Variants in DNAH8 observed in about 807,000 individuals in gnomAD.
DNAH8 encodes the protein axonemal beta dynein heavy chain 8.
In DNAH8, 382 loss-of-function variants were observed where a neutral mutation model predicts 562.1. The observed-to-expected ratio is 0.68, with a 90% confidence interval of 0.63 to 0.74. DNAH8 has a LOEUF of 0.74. DNAH8 is among the 30% of genes least tolerant of loss of function. The pLI is 0.00. For missense variants in DNAH8, 5,203 were observed against 5,620.4 expected, an observed-to-expected ratio of 0.93 and a Z score of 2.37; for synonymous variants, 1,881 against 1,919.4, an observed-to-expected ratio of 0.98 and a Z score of 0.52.
chr6:38,850,720 T>C (rs1433546709), intron 38 of DNAH8, among the ~76,000 whole-genome samples: 2 of 152,242 alleles, frequency 1.3e-5, no homozygotes, highest in African/African-American at 4.8e-5. Context: ...TGGCTCCCTC[T>C]GAAGGCTCTA....
intron 8 of DNAH8, among the ~76,000 whole-genome samples, chr6:38,749,055 T>C (rs1360300794): frequency 6.6e-6 from 1 of 152,050 alleles, no homozygotes; most frequent in East Asian, 1.9e-4. Context: ...TAGAGTGATG[T>C]TGTGTGTGTC....
At chr6:38,906,653 A>G (rs1343267425) in intron 63 of DNAH8, among the ~76,000 whole-genome samples, 3 of 152,138 alleles carry the variant, frequency 2.0e-5, no homozygotes, top group Non-Finnish European at 4.4e-5. Flanking sequence ...TTGGTCTTAT[A>G]ATTTATTTTA....
chr6:38,919,750 C>T (rs1378069523), intron 70 of DNAH8, among the ~76,000 whole-genome samples: 1 of 152,096 alleles, frequency 6.6e-6, no homozygotes, highest in African/African-American at 2.4e-5. Context: ...CTCAGTCATT[C>T]CTAATTAGGA....
intron 26 of DNAH8, among the ~76,000 whole-genome samples, chr6:38,818,704 T>G (rs1158031954): frequency 6.6e-6 from 1 of 152,238 alleles, no homozygotes; most frequent in Non-Finnish European, 1.5e-5. Context: ...GAGTTTTGAC[T>G]GCTCTCAACA....
intron 75 of DNAH8, 150 bp downstream of exon 75, chr6:38,929,816 A>G: frequency 1.5e-6 from 1 of 673,684 alleles, no homozygotes; most frequent in Non-Finnish European, 2.2e-6. Flanking sequence ...TCCTTTAGGC[A>G]GTAGTATTTG....
intron 71 of DNAH8, among the ~76,000 whole-genome samples, chr6:38,922,515 T>C (rs1781789867): frequency 6.6e-6 from 1 of 152,182 alleles, no homozygotes; most frequent in South Asian, 2.1e-4. Flanking sequence ...TTTATTACTT[T>C]TGCTTTTAAT....
At chr6:38,796,935 T>G (rs1770321081) in intron 21 of DNAH8, among the ~76,000 whole-genome samples, 1 of 152,208 alleles carries the variant, frequency 6.6e-6, no homozygotes, top group Admixed American at 6.5e-5. Context: ...AATTCTCTAA[T>G]TTTATTTGTT....
At chr6:39,008,610 G>A (rs1765956575) in intron 88 of DNAH8, among the ~76,000 whole-genome samples, 1 of 140,872 alleles carries the variant, frequency 7.1e-6, no homozygotes, top group South Asian at 2.2e-4. Context: ...TTTCAGTGAT[G>A]TTCTTGATGT....
In DNAH8 at chr6:38,851,618, T is replaced by A. The variant is rs1775753073; in HGVS notation, c.5410T>A (p.Ser1804Thr). The A allele has an allele frequency of 6.2e-7, 1 of 1,612,408 alleles. No homozygotes were observed. The change falls in exon 39 of 93, where the codon TCT (serine) becomes ACT (threonine). Residue 1804 changes from serine to threonine, a missense_variant. Coordinates refer to ENST00000327475, the MANE Select transcript of DNAH8 (RefSeq NM_001206927.2). ...RLLFPRFFFV[S>T]DPVLLEILGQ... ...ACTGTTTCCAAGATTCTTCTTTGTA[T>A]CTGATCCAGTTCTCCTGGAAATTCT...
intron 68 of DNAH8, 56 bp from the exon 69 acceptor site, chr6:38,917,183 T>A (rs1781368022): frequency 8.2e-7 from 1 of 1,216,882 alleles, no homozygotes; most frequent in African/African-American, 1.6e-5. Flanking sequence ...TAGATTTCCA[T>A]ATAACTATTA....
intron 73 of DNAH8, 79 bp downstream of exon 73, chr6:38,924,241 G>C: frequency 7.0e-7 from 1 of 1,434,728 alleles, no homozygotes; most frequent in Non-Finnish European, 9.5e-7. Context: ...GGCTGGGTGT[G>C]GTGGCTCACA....
intron 17 of DNAH8, among the ~76,000 whole-genome samples, chr6:38,783,561 C>T (rs1460057150): frequency 1.3e-5 from 2 of 152,126 alleles, no homozygotes; most frequent in Non-Finnish European, 1.5e-5. Context: ...TTACTTTCTC[C>T]CTTTTTTATT....
intron 91 of DNAH8, among the ~76,000 whole-genome samples, chr6:39,020,799 G>A (rs1342857125): frequency 3.3e-5 from 5 of 152,080 alleles, no homozygotes; most frequent in Non-Finnish European, 5.9e-5. Flanking sequence ...TTAGTTTGCC[G>A]AGGATGATGG....
intron 70 of DNAH8, 45 bp from the exon 71 acceptor site, chr6:38,921,324 C>T (rs758089687): frequency 6.3e-7 from 1 of 1,589,922 alleles, no homozygotes; most frequent in Non-Finnish European, 8.5e-7. Context: ...ACAATCATGA[C>T]TGTTTCATGC....
intron 4 of DNAH8, among the ~76,000 whole-genome samples, chr6:38,731,612 G>A (rs1763660639): frequency 1.3e-5 from 2 of 152,206 alleles, no homozygotes; most frequent in Non-Finnish European, 2.9e-5. Flanking sequence ...TCTCAGAAGG[G>A]AAATTGCCAG....
chr6:38,898,818 A>G (rs995293801), intron 61 of DNAH8, among the ~76,000 whole-genome samples: 1 of 152,182 alleles, frequency 6.6e-6, no homozygotes, highest in African/African-American at 2.4e-5. Context: ...AGGTTGATAT[A>G]TAGGACTGGT....
At chr6:38,868,675 A>G (rs981279526) in intron 48 of DNAH8, among the ~76,000 whole-genome samples, 2 of 146,816 alleles carry the variant, frequency 1.4e-5, no homozygotes, top group African/African-American at 5.0e-5. Flanking sequence ...TTACAGCCTG[A>G]TTTTTTTTTT....
At chr6:38,799,976 T>A (rs1354098255) in intron 21 of DNAH8, among the ~76,000 whole-genome samples, 1 of 152,196 alleles carries the variant, frequency 6.6e-6, no homozygotes, top group Non-Finnish European at 1.5e-5. Context: ...AACAACAATG[T>A]CTTGCCCTGT....
chr6:38,930,444 T>C, intron 75 of DNAH8, among the ~76,000 whole-genome samples: 1 of 151,956 alleles, frequency 6.6e-6, no homozygotes, highest in East Asian at 1.9e-4. Flanking sequence ...TTCAGAAAAA[T>C]TTTCTTCATA....
Sources: gnomAD v4.1 joint callset for allele counts (sites outside exome capture counted in the v4.1 genomes callset) on GRCh38, gnomAD v4.1.1 for gene constraint, MANE v1.5 for transcripts, NCBI Gene and HGNC (gene_info 2026-07-23, HGNC 2026-07-21) for gene names.